CSMD1: variants seen among roughly 807,000 people sequenced by gnomAD.
The protein encoded by CSMD1 is CUB and sushi domain-containing protein 1.
CSMD1 carries 213 observed loss-of-function variants against 417.5 expected under a neutral mutation model. That is an observed-to-expected ratio of 0.51 (90% CI 0.46 to 0.57). CSMD1 has a LOEUF of 0.57. CSMD1 is among the 20% of genes least tolerant of loss of function. The pLI is 0.00. For synonymous variants in CSMD1, 2,862 were observed against 1,736.8 expected (o/e 1.65, Z -16.11); for missense variants, 6,923 against 4,529.7 (o/e 1.53, Z -15.17).
At chr8:4,546,271 G>T (rs543265509) in intron 2 of CSMD1, among the ~76,000 whole-genome samples, 1 of 152,156 alleles carries the variant, frequency 6.6e-6, no homozygotes, top group Non-Finnish European at 1.5e-5. Flanking sequence ...TCCTTTCCAT[G>T]TTCTTTTCTG....
chr8:4,605,207 A>G (rs1468410938), intron 2 of CSMD1, among the ~76,000 whole-genome samples: 1 of 152,242 alleles, frequency 6.6e-6, no homozygotes, highest in Non-Finnish European at 1.5e-5. Context: ...GACAGCAACC[A>G]TGGACACGTT....
At chr8:3,012,125 G>A (rs1280071963) in intron 52 of CSMD1, among the ~76,000 whole-genome samples, 1 of 151,594 alleles carries the variant, frequency 6.6e-6, no homozygotes, top group Non-Finnish European at 1.5e-5. Flanking sequence ...ATGAAGGTGG[G>A]CTAAATTTTA....
At position 2,955,658 on chromosome 8, in the gene CSMD1, C is replaced by A. The variant is rs377494724; in HGVS notation, c.9925G>T (p.Ala3309Ser). 2.5e-5 allele frequency: 41 copies of A among 1,613,706 alleles called. No individual in the cohort carries two copies. Among genetic ancestry groups the A allele is most frequent in the Non-Finnish European group, 3.5e-5 (41 of 1,179,826 alleles). ...VYTCHPGFFL[A>S]GGSEHRTCKA... Reference sequence around the variant, plus strand: ...CATGTTCTGTGCTCAGATCCCCCTGCGAGGAAAAAGCCTGGATGGCAGGTG... The same window carrying A: ...CATGTTCTGTGCTCAGATCCCCCTGAGAGGAAAAAGCCTGGATGGCAGGTG... The change falls in exon 64 of 70, where the codon GCA (alanine) becomes TCA (serine). Residue 3309 changes from alanine to serine, a missense_variant. Coordinates refer to ENST00000635120, the MANE Select transcript of CSMD1 (RefSeq NM_033225.6).
intron 3 of CSMD1, among the ~76,000 whole-genome samples, chr8:4,051,911 C>CCTTT (rs1389263560): frequency 8.5e-5 from 11 of 128,810 alleles, no homozygotes; most frequent in East Asian, 2.9e-4. Context: ...TTCCTTCCTT[C>CCTTT]CTTTCTTTCT....
At chr8:4,220,393 G>C (rs962072294) in intron 3 of CSMD1, among the ~76,000 whole-genome samples, 3 of 152,210 alleles carry the variant, frequency 2.0e-5, no homozygotes, top group Admixed American at 6.5e-5. Flanking sequence ...GAGGCCTCTA[G>C]ACAACGGTTA....
intron 41 of CSMD1, among the ~76,000 whole-genome samples, chr8:3,130,945 T>G (rs1326152266): frequency 1.3e-5 from 2 of 152,238 alleles, no homozygotes; most frequent in Admixed American, 6.5e-5. Flanking sequence ...TGTACCAGAT[T>G]AGGCTCTTAA....
chr8:4,613,300 T>C (rs747366088), intron 2 of CSMD1, among the ~76,000 whole-genome samples: 7 of 152,280 alleles, frequency 4.6e-5, no homozygotes, highest in East Asian at 1.9e-4. Context: ...CGAGTGCCCA[T>C]TGCACTAGAG....
intron 3 of CSMD1, among the ~76,000 whole-genome samples, chr8:4,339,860 C>T (rs1293914116): frequency 2.6e-5 from 4 of 152,066 alleles, no homozygotes; most frequent in Middle Eastern, 3.4e-3. Context: ...CTCATCTCTA[C>T]AAAAACTTAA....
At chr8:3,714,004 G>C (rs534580732) in intron 6 of CSMD1, among the ~76,000 whole-genome samples, 54 of 148,432 alleles carry the variant, frequency 3.6e-4, no homozygotes, top group Non-Finnish European at 6.1e-4. Context: ...TAAATCCTTA[G>C]AATTGCAAGG....
chr8:4,567,916 G>A (rs779415806), intron 2 of CSMD1, among the ~76,000 whole-genome samples: 11 of 152,104 alleles, frequency 7.2e-5, no homozygotes, highest in Non-Finnish European at 1.5e-4. Flanking sequence ...CTTAATCAAT[G>A]ACCTGAAATT....
At chr8:3,057,437 T>A (rs1453539225) in intron 49 of CSMD1, among the ~76,000 whole-genome samples, 1 of 152,138 alleles carries the variant, frequency 6.6e-6, no homozygotes, top group Non-Finnish European at 1.5e-5. Flanking sequence ...CAACTATATG[T>A]GTATTTGCAG....
At chr8:4,599,948 C>G (rs997595890) in intron 2 of CSMD1, among the ~76,000 whole-genome samples, 1 of 152,136 alleles carries the variant, frequency 6.6e-6, no homozygotes, top group African/African-American at 2.4e-5. Flanking sequence ...GGATCTGACA[C>G]GCATATGCTC....
At chr8:4,783,956 A>G (rs17071338) in intron 1 of CSMD1, among the ~76,000 whole-genome samples, 13,573 of 152,270 alleles carry the variant, frequency 0.089, 746 homozygotes, top group East Asian at 0.28. Flanking sequence ...AGAGCTTAAA[A>G]GTTCCCACAG....
intron 12 of CSMD1, among the ~76,000 whole-genome samples, chr8:3,454,423 T>G (rs1483144684): frequency 6.6e-6 from 1 of 152,228 alleles, no homozygotes; most frequent in Non-Finnish European, 1.5e-5. Flanking sequence ...GTCTTCACAA[T>G]TTGGCATGTT....
At chr8:4,128,336 C>T (rs570178709) in intron 3 of CSMD1, among the ~76,000 whole-genome samples, 9 of 152,034 alleles carry the variant, frequency 5.9e-5, no homozygotes, top group East Asian at 5.9e-4. Context: ...AATGAGGAGA[C>T]AAGAACGTGA....
At chr8:3,176,817 C>T (rs1467879900) in intron 37 of CSMD1, among the ~76,000 whole-genome samples, 1 of 148,006 alleles carries the variant, frequency 6.8e-6, no homozygotes, top group Non-Finnish European at 1.5e-5. Flanking sequence ...CTTGCTCTGT[C>T]TCCCAGGCTA....
chr8:4,163,206 T>G (rs549423125), intron 3 of CSMD1, among the ~76,000 whole-genome samples: 11 of 152,266 alleles, frequency 7.2e-5, no homozygotes, highest in African/African-American at 2.6e-4. Context: ...CCTTGGCAGG[T>G]TTTTCAGTAC....
At chr8:3,170,676 C>T (rs1473227205) in intron 37 of CSMD1, among the ~76,000 whole-genome samples, 1 of 152,182 alleles carries the variant, frequency 6.6e-6, no homozygotes, top group Non-Finnish European at 1.5e-5. Context: ...ATCCATGGAT[C>T]ATGCACAACT....
chr8:4,297,313 G>A (rs1262073290), intron 3 of CSMD1, among the ~76,000 whole-genome samples: 4 of 152,104 alleles, frequency 2.6e-5, no homozygotes, highest in Admixed American at 1.3e-4. Context: ...GATACTGAGA[G>A]AAAACCTGTT....
Sources: gnomAD v4.1 joint callset for allele counts (sites outside exome capture counted in the v4.1 genomes callset) on GRCh38, gnomAD v4.1.1 for gene constraint, MANE v1.5 for transcripts, NCBI Gene and HGNC (gene_info 2026-07-23, HGNC 2026-07-21) for gene names.